PKM: variants seen among roughly 807,000 people sequenced by gnomAD.
The protein encoded by PKM is pyruvate kinase M1/2, also known as pyruvate kinase PKM.
PKM carries 18 observed loss-of-function variants against 49.8 expected under a neutral mutation model. The observed-to-expected ratio is 0.36, with a 90% CI of 0.25 to 0.54. The LOEUF (loss-of-function observed/expected upper bound fraction) is 0.54, where lower values mean the gene tolerates loss of function less well. Among genes scored for constraint, PKM ranks in the 20% least tolerant of loss-of-function variants. The pLI is 0.89. For synonymous variants in PKM, 239 were observed against 261.8 expected (o/e 0.91, Z 0.84); for missense variants, 508 against 713.8 (o/e 0.71, Z 3.28).
chr15:72,207,159 G>A lies in PKM; in HGVS notation c.955C>T (p.Arg319Ter), dbSNP rs912627152. The change falls in exon 7 of 11, where the codon CGA becomes TGA. Residue 319 changes from arginine (R) to a stop codon, truncating the protein, a stop_gained. Transcript: ENST00000335181. LOFTEE classifies it high-confidence loss of function. ...GCACAGATGACAGGCTTCCCAGCTCGGTTGCACCGTCCAATCATCATCTTC... is the reference window on the plus strand; with the variant it reads ...GCACAGATGACAGGCTTCCCAGCTCAGTTGCACCGTCCAATCATCATCTTC... ...AQKMMIGRCN[R>*]AGKPVICATQ... The A allele has an allele frequency of 3.7e-6, 6 of 1,613,850 alleles. No homozygotes were observed. The highest frequency in any genetic ancestry group is 4.2e-6 in the Non-Finnish European group (5 of 1,180,032).
At chr15:72,211,613 T>C (rs1216741383) in intron 3 of PKM, among the ~76,000 whole-genome samples, 2 of 151,934 alleles carry the variant, frequency 1.3e-5, no homozygotes, top group Admixed American at 1.3e-4. Flanking sequence ...GGCCAGGAGT[T>C]TGAGATGAGC....
Position 72,199,614 on chromosome 15 carries a change from G to T in PKM, c.*36C>A. The T allele has an allele frequency of 1.4e-6, 2 of 1,432,952 alleles. No homozygotes were observed. The highest frequency in any genetic ancestry group is 2.0e-6 in the Non-Finnish European group (2 of 1,016,216). The allele number at this position is 1,432,952 out of a possible 1,614,324, so 88.8% of individuals were successfully genotyped here. A position where few individuals can be genotyped will look rare whatever the true frequency, so the allele number is the denominator to read the frequency against. Reference sequence around the variant, plus strand: ...CTAATGGATGGGCTGGGGGAAGGGGGTGGGACAGGGGCTGGAGGAGGGGCT... The same window carrying T: ...CTAATGGATGGGCTGGGGGAAGGGGTTGGGACAGGGGCTGGAGGAGGGGCT... On this transcript the variant is annotated 3_prime_UTR_variant, in exon 11 of 11. Transcript: ENST00000335181.
Position 72,206,848 on chromosome 15 carries a change from G to T in PKM, c.1020C>A (p.Pro340=), listed in dbSNP as rs1488506626. 2 of 1,614,172 alleles carry T rather than the reference G, an allele frequency of 1.2e-6. No homozygotes were observed. The highest frequency in any genetic ancestry group is 8.5e-7 in the Non-Finnish European group (1 of 1,180,022). The change falls in exon 8 of 11, where the codon CCC becomes CCA. Residue 340 remains proline (P), a synonymous_variant. Coordinates refer to ENST00000335181, the MANE Select transcript of PKM (RefSeq NM_002654.6). ...MLESMIKKPR[P]TRAEGSDVAN... is the part of the protein sequence containing the mutation. ...CCACATCACTGCCTTCAGCCCGAGT[G>T]GGGCGGGGCTTCTTGATCATGCTCT...
rs368766923 is a variant in PKM at position 72,202,970 on chromosome 15, T to C, written c.1141-350A>G. The C allele has an allele frequency of 6.4e-7, 1 of 1,571,744 alleles. No individual in the cohort carries two copies. The highest frequency in any genetic ancestry group is 1.3e-5 in the African/African-American group (1 of 74,146). On this transcript the variant is annotated intron_variant, in intron 8 of 10. Transcript: ENST00000335181. This position sits in a 1 kb window ranked among gnomAD's most constrained non-coding sequence, Gnocchi z 4.5. ...CCTGGCTGTCTTCTCCTAGAGCAGG[T>C]GGAGCAAGAGGCTGGTTATCCTAAC...
intron 9 of PKM, chr15:72,201,873 C>T (rs2081954075): frequency 5.9e-6 from 1 of 170,804 alleles, no homozygotes; most frequent in Non-Finnish European, 1.3e-5. Context: ...AACTCAATGT[C>T]CTGGGCCAAG....
rs2081925538 is a variant in PKM at position 72,200,747 on chromosome 15, AGCTCACTGAGG to A, written c.1308-103_1308-93del. ...GTTCAAACAGCTCACCCTCTCATCC[AGCTCACTGAGG>A]GCTCTGGCCTCTTCAACATCTGCTC... is the stretch of plus-strand genomic sequence containing the variant. On this transcript the variant is annotated intron_variant, in intron 9 of 10. Coordinates refer to ENST00000335181, the MANE Select transcript of PKM (RefSeq NM_002654.6). The surrounding 1 kb of genome is among the most constrained non-coding windows in gnomAD (Gnocchi z 4.6). 2 of 1,121,712 alleles carry A rather than the reference AGCTCACTGAGG, an allele frequency of 1.8e-6. No individual in the cohort carries two copies. Among genetic ancestry groups the A allele is most frequent in the African/African-American group, 3.1e-5 (2 of 64,976 alleles). The allele number at this position is 1,121,712 out of a possible 1,614,324, so 69.5% of individuals were successfully genotyped here. A position where few individuals can be genotyped will look rare whatever the true frequency, so the allele number is the denominator to read the frequency against.
At chr15:72,227,399 G>A (rs1204321330) in intron 1 of PKM, among the ~76,000 whole-genome samples, 1 of 152,132 alleles carries the variant, frequency 6.6e-6, no homozygotes, top group Admixed American at 6.6e-5. Flanking sequence ...CCTCTACTCC[G>A]GTCTCAGTCT....
Position 72,202,735 on chromosome 15 carries a change from C to A in PKM, c.1141-115G>T. On this transcript the variant is annotated intron_variant, in intron 8 of 10. Transcript: ENST00000335181. The surrounding 1 kb of genome is among the most constrained non-coding windows in gnomAD (Gnocchi z 4.5). ...CCGGACAGCTGGTGAGGAACATGTT[C>A]CTGGGAACAAAGGCCAAGAGGAGCC... The A allele has an allele frequency of 1.0e-6, 1 of 963,218 alleles. No individual in the cohort carries two copies. Among genetic ancestry groups the A allele is most frequent in the South Asian group, 1.4e-5 (1 of 70,224 alleles). 59.7% of individuals were successfully genotyped at this position (963,218 alleles called of 1,614,324 possible). A position where few individuals can be genotyped will look rare whatever the true frequency, so the allele number is the denominator to read the frequency against.
intron 1 of PKM, among the ~76,000 whole-genome samples, chr15:72,229,127 A>AGCTGTAG (rs1239574007): frequency 1.3e-5 from 2 of 152,228 alleles, no homozygotes; most frequent in Non-Finnish European, 2.9e-5. Flanking sequence ...CCTCACGATT[A>AGCTGTAG]GCTGTAGGCG....
chr15:72,205,624 G>GC (rs2082053528), intron 8 of PKM, among the ~76,000 whole-genome samples: 11 of 99,676 alleles, frequency 1.1e-4, no homozygotes, highest in African/African-American at 3.6e-4. Flanking sequence ...GGGTGTTTTA[G>GC]TTTTTTTTTT....
intron 3 of PKM, among the ~76,000 whole-genome samples, chr15:72,215,307 A>G (rs1306114829): frequency 6.6e-6 from 1 of 152,226 alleles, no homozygotes; most frequent in Non-Finnish European, 1.5e-5. Flanking sequence ...AGCATTTAAA[A>G]TAGTCAGAAA....
chr15:72,209,935 C>A, intron 4 of PKM, 76 bp from the exon 5 acceptor site: 1 of 1,239,528 alleles, frequency 8.1e-7, no homozygotes. Context: ...AATGGAAAAG[C>A]TCTTTCCTCC....
Position 72,200,640 on chromosome 15 carries a change from C to A in PKM, c.1323G>T (p.Val441=). 13 of 1,612,742 alleles carry A rather than the reference C, an allele frequency of 8.1e-6. No individual in the cohort carries two copies. The highest frequency in any genetic ancestry group is 1.1e-5 in the Non-Finnish European group (13 of 1,179,092). ...TGGGGGCACGTGGGCGGTATCTGGC[C>A]ACCTGGTGAGCAGACCTGAGATGGG... The part of the protein sequence containing the change: ...LTKSGRSAHQ[V]ARYRPRAPII... Residue 441 remains valine (V), a synonymous_variant, in exon 10 of 11, where the codon GTG becomes GTT. Transcript: ENST00000335181. This position sits in a 1 kb window ranked among gnomAD's most constrained non-coding sequence, Gnocchi z 4.6.
At chr15:72,230,830 G>C (rs2140842198) in intron 1 of PKM, 1 of 804,558 alleles carries the variant, frequency 1.2e-6, no homozygotes, top group Non-Finnish European at 1.8e-6. Context: ...TGAGGATTGG[G>C]GCAGGAGGAA....
At chr15:72,201,767 G>A (rs950778287) in intron 9 of PKM, 4 of 156,308 alleles carry the variant, frequency 2.6e-5, no homozygotes, top group African/African-American at 9.6e-5. Context: ...TCAGTGCATG[G>A]GCACTGCCTG....
At position 72,202,948 on chromosome 15, in the gene PKM, G is replaced by C; in HGVS notation, c.1141-328C>G. On this transcript the variant is annotated intron_variant, in intron 8 of 10. Coordinates refer to ENST00000335181, the MANE Select transcript of PKM (RefSeq NM_002654.6). The surrounding 1 kb of genome is among the most constrained non-coding windows in gnomAD (Gnocchi z 4.5). Reference sequence around the variant, plus strand: ...TGTGCCCAGATGCCAGGTTGGGCCTGGCTGTCTTCTCCTAGAGCAGGTGGA... The same window carrying C: ...TGTGCCCAGATGCCAGGTTGGGCCTCGCTGTCTTCTCCTAGAGCAGGTGGA... 6.8e-7 allele frequency: 1 copy of C among 1,474,048 alleles called. No homozygotes were observed. The highest frequency in any genetic ancestry group is 9.4e-7 in the Non-Finnish European group (1 of 1,058,978). The allele number at this position is 1,474,048 out of a possible 1,614,324, so 91.3% of individuals were successfully genotyped here.
intron 1 of PKM, among the ~76,000 whole-genome samples, chr15:72,230,371 G>C (rs1467146446): frequency 6.6e-6 from 1 of 152,222 alleles, no homozygotes; most frequent in African/African-American, 2.4e-5. Context: ...CGGGGCCTCA[G>C]CACCGCCCGA....
At chr15:72,216,838 G>C (rs953540068) in intron 3 of PKM, among the ~76,000 whole-genome samples, 1 of 152,132 alleles carries the variant, frequency 6.6e-6, no homozygotes, top group Non-Finnish European at 1.5e-5. Context: ...AGTGCTAACT[G>C]GTGTTATTTT....
At chr15:72,222,808 A>C (rs2082560805) in intron 1 of PKM, among the ~76,000 whole-genome samples, 1 of 152,166 alleles carries the variant, frequency 6.6e-6, no homozygotes, top group African/African-American at 2.4e-5. Flanking sequence ...ACCATCTCTA[A>C]GAGGCCTTAG....
Sources: gnomAD v4.1 joint callset for allele counts (sites outside exome capture counted in the v4.1 genomes callset) on GRCh38, gnomAD v4.1.1 for gene constraint, Gnocchi (gnomAD v3.1) non-coding constraint, MANE v1.5 for transcripts, NCBI Gene and HGNC (gene_info 2026-07-23, HGNC 2026-07-21) for gene names.